The following GRIN3A variants were observed in gnomAD, a reference collection of about 807,000 sequenced individuals.
GRIN3A encodes the protein glutamate ionotropic receptor NMDA type subunit 3A.
A neutral mutation model predicts 92.4 loss-of-function variants in GRIN3A; 47 were observed. The ratio of observed to expected loss-of-function variants is 0.51; its 90% CI spans 0.40 to 0.65. The LOEUF (loss-of-function observed/expected upper bound fraction) is 0.65, where lower values mean the gene tolerates loss of function less well. GRIN3A is among the 30% of genes least tolerant of loss of function. GRIN3A has a pLI of 0.00. For synonymous variants in GRIN3A, 527 were observed against 540.6 expected (o/e 0.97, Z 0.35); for missense variants, 1,324 against 1,393.1 (o/e 0.95, Z 0.79).
chr9:101,704,441 A>G (rs147752994), intron 1 of GRIN3A, among the ~76,000 whole-genome samples: 60 of 152,370 alleles, frequency 3.9e-4, no homozygotes, highest in African/African-American at 1.3e-3. Context: ...TGTGACATAT[A>G]CAGACAATTC....
intron 3 of GRIN3A, among the ~76,000 whole-genome samples, chr9:101,652,090 T>C (rs1050873463): frequency 2.0e-5 from 3 of 152,046 alleles, no homozygotes; most frequent in Non-Finnish European, 4.4e-5. Context: ...TAAAAGGTTT[T>C]ACATACATTA....
At chr9:101,670,034 A>G (rs746578465) in intron 3 of GRIN3A, 26 bp downstream of exon 3, 1 of 1,506,778 alleles carries the variant, frequency 6.6e-7, no homozygotes, top group South Asian at 1.1e-5. Context: ...GACAATCAAG[A>G]AAGCTAAAGT....
chr9:101,736,685 A>G (rs1019963588), intron 1 of GRIN3A, among the ~76,000 whole-genome samples: 7 of 151,844 alleles, frequency 4.6e-5, no homozygotes, highest in Non-Finnish European at 8.8e-5. Context: ...CTAATTGACC[A>G]CTCTTCTCTA....
At chr9:101,717,021 GT>G in intron 1 of GRIN3A, among the ~76,000 whole-genome samples, 1 of 152,300 alleles carries the variant, frequency 6.6e-6, no homozygotes, top group Non-Finnish European at 1.5e-5. Flanking sequence ...ATTTGGGACT[GT>G]TTTGGACATT....
At chr9:101,675,537 G>T (rs1019801633) in intron 2 of GRIN3A, among the ~76,000 whole-genome samples, 3 of 151,920 alleles carry the variant, frequency 2.0e-5, no homozygotes, top group African/African-American at 7.2e-5. Flanking sequence ...TGTCCTAGGT[G>T]CTGGGGGTGT....
chr9:101,692,145 T>G (rs147194053), intron 1 of GRIN3A, among the ~76,000 whole-genome samples: 115 of 152,298 alleles, frequency 7.6e-4, no homozygotes, highest in African/African-American at 2.7e-3. Flanking sequence ...CATACAATGG[T>G]CTCAGCAATA....
At chr9:101,620,935 T>C (rs1588252725) in intron 5 of GRIN3A, among the ~76,000 whole-genome samples, 1 of 152,122 alleles carries the variant, frequency 6.6e-6, no homozygotes, top group African/African-American at 2.4e-5. Flanking sequence ...ATTAAATTGT[T>C]AAAAATATAT....
At chr9:101,585,079 C>T (rs532663030) in intron 6 of GRIN3A, among the ~76,000 whole-genome samples, 2 of 152,300 alleles carry the variant, frequency 1.3e-5, no homozygotes, top group South Asian at 4.1e-4. Flanking sequence ...CTTAGACCCT[C>T]TTCAATCAGA....
chr9:101,636,095 C>A (rs572275956), intron 3 of GRIN3A, among the ~76,000 whole-genome samples: 54 of 152,260 alleles, frequency 3.5e-4, no homozygotes, highest in African/African-American at 1.2e-3. Flanking sequence ...GTTGACCAGG[C>A]TGGTCTTGAA....
intron 1 of GRIN3A, among the ~76,000 whole-genome samples, chr9:101,709,544 T>A (rs1829853623): frequency 6.6e-6 from 1 of 152,222 alleles, no homozygotes; most frequent in Non-Finnish European, 1.5e-5. Flanking sequence ...CCTCTGCATC[T>A]GTAGTGATTT....
chr9:101,615,511 C>T (rs2118852184), intron 5 of GRIN3A, among the ~76,000 whole-genome samples: 1 of 152,026 alleles, frequency 6.6e-6, no homozygotes, highest in South Asian at 2.1e-4. Context: ...CGCCCGCCAC[C>T]ACACCCAGCT....
At chr9:101,668,718 G>A (rs1829274035) in intron 3 of GRIN3A, among the ~76,000 whole-genome samples, 1 of 152,126 alleles carries the variant, frequency 6.6e-6, no homozygotes. Flanking sequence ...ATCCTCTCAT[G>A]AGGTTCATGT....
chr9:101,590,854 A>T (rs1395863270), intron 6 of GRIN3A, among the ~76,000 whole-genome samples: 1 of 152,216 alleles, frequency 6.6e-6, no homozygotes, highest in African/African-American at 2.4e-5. Context: ...TCATTTAAAA[A>T]ATTCATACTG....
chr9:101,705,771 A>G (rs1473341040), intron 1 of GRIN3A, among the ~76,000 whole-genome samples: 1 of 152,190 alleles, frequency 6.6e-6, no homozygotes, highest in Non-Finnish European at 1.5e-5. Context: ...GCTAACATTT[A>G]TTGGATGCAT....
chr9:101,641,986 A>T (rs1828872274), intron 3 of GRIN3A, among the ~76,000 whole-genome samples: 1 of 152,124 alleles, frequency 6.6e-6, no homozygotes. Flanking sequence ...AAAGTTGATG[A>T]TTTTGTAATT....
chr9:101,590,276 T>A lies in GRIN3A; in HGVS notation c.2767-10916A>T, dbSNP rs1828004722. Among the ~76,000 whole-genome samples, 5 of 152,304 alleles carry A rather than the reference T, an allele frequency of 3.3e-5. No individual in the cohort carries two copies. In the South Asian group the frequency reaches 1.0e-3, roughly 32 times the overall value. On this transcript the variant is annotated intron_variant, in intron 6 of 8. Coordinates refer to ENST00000361820, the MANE Select transcript of GRIN3A (RefSeq NM_133445.3). ...TGGCTACTGGGGTAGGTACGGTAGT[T>A]GACACGGCAGCAGAGAAGTCCGGTC...
chr9:101,694,536 C>T lies in GRIN3A; in HGVS notation c.700-7336G>A, dbSNP rs937572630. Among the ~76,000 whole-genome samples the T allele has an allele frequency of 1.1e-4, 16 of 152,242 alleles. No homozygotes were observed. The East Asian group carries it at 2.1e-3, about 20-fold the overall frequency. The stretch of plus-strand genomic sequence containing the variant: ...CCAACTCATTCATCTACACATCATC[C>T]CATTTCTGCCTTTTGTTCAGTATGG... On this transcript the variant is annotated intron_variant, in intron 1 of 8. Transcript: ENST00000361820.
At chr9:101,600,529 T>C (rs1425387953) in intron 6 of GRIN3A, among the ~76,000 whole-genome samples, 1 of 152,022 alleles carries the variant, frequency 6.6e-6, no homozygotes, top group South Asian at 2.1e-4. Flanking sequence ...CCAGGAGAGT[T>C]TGGACAACAG....
chr9:101,671,178 T>C, intron 2 of GRIN3A, 71 bp from the exon 3 acceptor site: 5 of 1,027,180 alleles, frequency 4.9e-6, no homozygotes, highest in Non-Finnish European at 7.8e-6. Flanking sequence ...GTGTTCAGCT[T>C]TGCTTCCTTG....
Sources: allele counts gnomAD v4.1 joint callset (sites outside exome capture counted in the v4.1 genomes callset), GRCh38; gene constraint gnomAD v4.1.1; transcripts MANE v1.5; gene names NCBI Gene and HGNC (gene_info 2026-07-23, HGNC 2026-07-21).